Variants in LRRTM4 observed in about 807,000 individuals in gnomAD.
LRRTM4 encodes the protein leucine rich repeat transmembrane neuronal 4, also known as leucine-rich repeat transmembrane neuronal protein 4.
A neutral mutation model predicts 47.6 loss-of-function variants in LRRTM4; 25 were observed. The ratio of observed to expected loss-of-function variants is 0.53; its 90% CI spans 0.38 to 0.73. The LOEUF (loss-of-function observed/expected upper bound fraction) is 0.73. Ranked by LOEUF, LRRTM4 falls within the 30% of genes least tolerant of loss-of-function variation. The pLI is 0.00. For missense variants in LRRTM4, 638 were observed against 713.4 expected (o/e 0.89, Z 1.20); for synonymous variants, 311 against 269.5 (o/e 1.15, Z -1.51).
intron 3 of LRRTM4, among the ~76,000 whole-genome samples, chr2:77,260,976 T>C (rs1422651153): frequency 2.0e-5 from 3 of 149,974 alleles, no homozygotes; most frequent in Non-Finnish European, 2.9e-5. Context: ...ACTTCTTCCA[T>C]ATTTCCTATT....
At chr2:77,150,267 A>C (rs1672379805) in intron 3 of LRRTM4, among the ~76,000 whole-genome samples, 1 of 152,188 alleles carries the variant, frequency 6.6e-6, no homozygotes, top group South Asian at 2.1e-4. Context: ...TTCTGTTCTT[A>C]AAATAGAATA....
rs1358594740 is a variant in LRRTM4 at position 77,513,596 on chromosome 2, T to C, written c.1551+4722A>G. On this transcript the variant is annotated intron_variant, in intron 3 of 3. Coordinates refer to ENST00000409884, the MANE Select transcript of LRRTM4 (RefSeq NM_001134745.3). ...TTTTATTTGTTTATTTTGAGATGAG[T>C]CTTGTTCTGTTGCCCAGGCAGGACT... Among the ~76,000 whole-genome samples the C allele has an allele frequency of 7.3e-5, 11 of 151,348 alleles. No individual in the cohort carries two copies. In the East Asian group the frequency reaches 1.7e-3, roughly 24 times the overall value.
chr2:77,018,655 T>C (rs1431545457), intron 3 of LRRTM4, among the ~76,000 whole-genome samples: 1 of 152,154 alleles, frequency 6.6e-6, no homozygotes, highest in Non-Finnish European at 1.5e-5. Context: ...TTTCCTGAAG[T>C]TAAATTTTGA....
Position 77,053,339 on chromosome 2 carries a change from G to A in LRRTM4, c.1552-304423C>T, listed in dbSNP as rs1021616509. 1.5e-4 allele frequency among the ~76,000 whole-genome samples: 23 copies of A among 152,056 alleles called. No homozygotes were observed. In the Middle Eastern group the frequency reaches 0.01, roughly 68 times the overall value. ...AATAGTTTAATAAGACAACAATGCA[G>A]GATGATGGATAGGAAAAAAAGTGGA... On this transcript the variant is annotated intron_variant, in intron 3 of 3. Coordinates refer to ENST00000409884, the MANE Select transcript of LRRTM4 (RefSeq NM_001134745.3).
At chr2:77,054,759 TA>T (rs1357387991) in intron 3 of LRRTM4, among the ~76,000 whole-genome samples, 2 of 152,210 alleles carry the variant, frequency 1.3e-5, no homozygotes, top group African/African-American at 4.8e-5. Flanking sequence ...CCTCTGTTTT[TA>T]AAAGTAGAAA....
chr2:76,773,452 G>T (rs1673803164), intron 3 of LRRTM4, among the ~76,000 whole-genome samples: 1 of 152,082 alleles, frequency 6.6e-6, no homozygotes, highest in South Asian at 2.1e-4. Context: ...TAACATTTCA[G>T]TGAAAGCTAG....
At chr2:77,223,190 G>C (rs1009970197) in intron 3 of LRRTM4, among the ~76,000 whole-genome samples, 1 of 152,150 alleles carries the variant, frequency 6.6e-6, no homozygotes, top group Non-Finnish European at 1.5e-5. Flanking sequence ...AATAAATTAG[G>C]TATTGATGGG....
At chr2:77,219,603 C>T (rs1481326568) in intron 3 of LRRTM4, among the ~76,000 whole-genome samples, 2 of 152,136 alleles carry the variant, frequency 1.3e-5, no homozygotes, top group Admixed American at 1.3e-4. Flanking sequence ...TTTGGGAAGA[C>T]CTTTACCACA....
intron 3 of LRRTM4, among the ~76,000 whole-genome samples, chr2:77,244,403 A>T (rs1189833438): frequency 1.3e-5 from 2 of 152,136 alleles, no homozygotes; most frequent in African/African-American, 4.8e-5. Flanking sequence ...TAAAGCATTC[A>T]TATTAATTTT....
At chr2:76,974,910 TTAA>T (rs1049601198) in intron 3 of LRRTM4, among the ~76,000 whole-genome samples, 1 of 151,758 alleles carries the variant, frequency 6.6e-6, no homozygotes, top group Non-Finnish European at 1.5e-5. Context: ...GGCATGTATT[TTAA>T]TAATAATATC....
chr2:77,048,310 G>C (rs188671992), intron 3 of LRRTM4, among the ~76,000 whole-genome samples: 2 of 152,054 alleles, frequency 1.3e-5, no homozygotes, highest in East Asian at 3.9e-4. Flanking sequence ...TGCTAAATGA[G>C]TCAAGGGAAG....
chr2:76,986,563 G>A (rs184904993), intron 3 of LRRTM4, among the ~76,000 whole-genome samples: 505 of 151,940 alleles, frequency 3.3e-3, no homozygotes, highest in Non-Finnish European at 4.7e-3. Context: ...ACATTTTGGG[G>A]GCATGGTAAT....
At chr2:77,133,070 G>A (rs1184295024) in intron 3 of LRRTM4, among the ~76,000 whole-genome samples, 1 of 152,186 alleles carries the variant, frequency 6.6e-6, no homozygotes, top group African/African-American at 2.4e-5. Flanking sequence ...GTCCTGGAGT[G>A]AATGTGGCAG....
chr2:77,294,714 AT>A (rs1378752866), intron 3 of LRRTM4, among the ~76,000 whole-genome samples: 11 of 152,188 alleles, frequency 7.2e-5, no homozygotes, highest in African/African-American at 2.6e-4. Flanking sequence ...TGGATATTGT[AT>A]TTCACTACAA....
At chr2:77,390,485 G>A (rs1018319868) in intron 3 of LRRTM4, among the ~76,000 whole-genome samples, 4 of 152,050 alleles carry the variant, frequency 2.6e-5, no homozygotes, top group African/African-American at 9.6e-5. Context: ...GAAACATCTT[G>A]AATTATAAAA....
At chr2:77,490,995 G>C (rs1400883937) in intron 3 of LRRTM4, among the ~76,000 whole-genome samples, 1 of 151,678 alleles carries the variant, frequency 6.6e-6, no homozygotes, top group East Asian at 1.9e-4. Flanking sequence ...AATCTGGATA[G>C]GTACCAAAGA....
intron 3 of LRRTM4, among the ~76,000 whole-genome samples, chr2:77,363,282 T>A (rs1369707170): frequency 2.0e-5 from 3 of 152,150 alleles, no homozygotes; most frequent in Non-Finnish European, 4.4e-5. Flanking sequence ...TATAAATATT[T>A]TCAGTCCTTG....
intron 3 of LRRTM4, among the ~76,000 whole-genome samples, chr2:76,849,746 T>C (rs1671938296): frequency 6.6e-6 from 1 of 152,136 alleles, no homozygotes; most frequent in Non-Finnish European, 1.5e-5. Context: ...AGTCTTTTTG[T>C]ATTTGAATCT....
intron 3 of LRRTM4, among the ~76,000 whole-genome samples, chr2:77,022,700 T>G (rs1245486941): frequency 6.6e-6 from 1 of 152,200 alleles, no homozygotes; most frequent in Non-Finnish European, 1.5e-5. Flanking sequence ...TGACTGCAGG[T>G]TTCATATCCA....
Sources: allele counts gnomAD v4.1 joint callset (sites outside exome capture counted in the v4.1 genomes callset), GRCh38; gene constraint gnomAD v4.1.1; transcripts MANE v1.5; gene names NCBI Gene and HGNC (gene_info 2026-07-23, HGNC 2026-07-21).